SLC35F1: variants seen among roughly 807,000 people sequenced by gnomAD.
SLC35F1 encodes the protein chromosome 6 open reading frame 169.
SLC35F1 carries 14 observed loss-of-function variants against 48.7 expected under a neutral mutation model. The ratio of observed to expected loss-of-function variants is 0.29; its 90% CI spans 0.19 to 0.45. SLC35F1 has a LOEUF of 0.45. SLC35F1 is among the 20% of genes least tolerant of loss of function. SLC35F1 has a pLI of 1.00. For missense variants in SLC35F1, 404 were observed against 500.0 expected, an observed-to-expected ratio of 0.81 and a Z score of 1.83; for synonymous variants, 190 against 202.2, an observed-to-expected ratio of 0.94 and a Z score of 0.51.
At chr6:118,064,494 C>T (rs1293507333) in intron 1 of SLC35F1, among the ~76,000 whole-genome samples, 1 of 152,040 alleles carries the variant, frequency 6.6e-6, no homozygotes, top group Admixed American at 6.6e-5. Flanking sequence ...ATTGTTTGGT[C>T]AGAGCTGCTA....
intron 1 of SLC35F1, among the ~76,000 whole-genome samples, chr6:117,924,485 CGTATAT>C (rs1775998562): frequency 6.9e-6 from 1 of 144,098 alleles, no homozygotes; most frequent in African/African-American, 2.6e-5. Flanking sequence ...TATGTATATA[CGTATAT>C]ACATATGTAT....
chr6:118,203,871 C>G (rs1186330592), intron 2 of SLC35F1, among the ~76,000 whole-genome samples: 3 of 152,176 alleles, frequency 2.0e-5, no homozygotes, highest in Non-Finnish European at 4.4e-5. Context: ...CACTCCTACA[C>G]ACTTTGAACA....
chr6:118,258,105 G>A (rs1775668532), intron 3 of SLC35F1, among the ~76,000 whole-genome samples: 1 of 152,104 alleles, frequency 6.6e-6, no homozygotes, highest in African/African-American at 2.4e-5. Context: ...ATGGAAAGAA[G>A]TAACCTACTG....
At chr6:118,155,956 T>C (rs934602637) in intron 2 of SLC35F1, among the ~76,000 whole-genome samples, 2 of 152,228 alleles carry the variant, frequency 1.3e-5, no homozygotes, top group African/African-American at 4.8e-5. Flanking sequence ...TGACCAATAC[T>C]GGACTTCATC....
chr6:118,273,222 G>T (rs999795533), intron 4 of SLC35F1, among the ~76,000 whole-genome samples: 2 of 152,148 alleles, frequency 1.3e-5, no homozygotes, highest in African/African-American at 2.4e-5. Context: ...CTAGTTAACA[G>T]AAGAGGCCAT....
At position 118,316,100 on chromosome 6, in the gene SLC35F1, G is replaced by C. The variant is rs1365578821; in HGVS notation, c.*1848G>C. 6.6e-6 allele frequency: 1 copy of C among 152,186 alleles called. No homozygotes were observed. Among genetic ancestry groups the C allele is most frequent in the Non-Finnish European group, 1.5e-5 (1 of 68,046 alleles). The allele number at this position is 152,186 out of a possible 1,614,324, so 9.4% of individuals were successfully genotyped here. On this transcript the variant is annotated 3_prime_UTR_variant, in exon 8 of 8. Coordinates refer to ENST00000360388, the MANE Select transcript of SLC35F1 (RefSeq NM_001029858.4). The stretch of plus-strand genomic sequence containing the variant: ...GTAAAAGGACAGACTACAGTAGAAG[G>C]ACTGATCCCAGAGTGCCTGTACAAG...
chr6:118,141,745 T>G (rs115018003), intron 1 of SLC35F1, among the ~76,000 whole-genome samples: 2,604 of 152,194 alleles, frequency 0.017, 79 homozygotes, highest in African/African-American at 0.059. Flanking sequence ...TTTCAACATA[T>G]GAATGTTGGG....
rs901536857 is a variant in SLC35F1 at position 118,316,605 on chromosome 6, T to A, written c.*2353T>A. ...TAAAGTCTTATGAGAAGCAAGTGGA[T>A]GAAATTATCTCCAAGTCCACTCAGT... On this transcript the variant is annotated 3_prime_UTR_variant, in exon 8 of 8. Coordinates refer to ENST00000360388, the MANE Select transcript of SLC35F1 (RefSeq NM_001029858.4). 2.0e-5 allele frequency: 3 copies of A among 152,668 alleles called. No individual in the cohort carries two copies. The highest frequency in any genetic ancestry group is 4.8e-5 in the African/African-American group (2 of 41,460). The allele number at this position is 152,668 out of a possible 1,614,324, so 9.5% of individuals were successfully genotyped here. A position where few individuals can be genotyped will look rare whatever the true frequency, so the allele number is the denominator to read the frequency against.
At chr6:118,070,997 T>C (rs1772702571) in intron 1 of SLC35F1, among the ~76,000 whole-genome samples, 1 of 636 alleles carries the variant, frequency 1.6e-3, no homozygotes, top group Non-Finnish European at 3.2e-3. Flanking sequence ...TCTACGTGTG[T>C]GTATATATAT....
chr6:118,118,264 A>T (rs1295088791), intron 1 of SLC35F1, among the ~76,000 whole-genome samples: 9 of 152,096 alleles, frequency 5.9e-5, no homozygotes, highest in Non-Finnish European at 2.9e-5. Context: ...TAGCCATTCT[A>T]GTGGGGATAC....
At chr6:118,159,247 A>AAAAAAT (rs1774191640) in intron 2 of SLC35F1, among the ~76,000 whole-genome samples, 3 of 146,628 alleles carry the variant, frequency 2.0e-5, no homozygotes, top group African/African-American at 7.5e-5. Context: ...AAAAAAAAAA[A>AAAAAAT]GTGCTTACTG....
chr6:117,925,065 A>G (rs1776011136), intron 1 of SLC35F1, among the ~76,000 whole-genome samples: 1 of 152,224 alleles, frequency 6.6e-6, no homozygotes. Flanking sequence ...ATTGTGTTAC[A>G]TGGAAATAAG....
At chr6:118,277,594 G>A (rs1278965336) in intron 6 of SLC35F1, 48 bp downstream of exon 6, 1 of 1,551,482 alleles carries the variant, frequency 6.4e-7, no homozygotes, top group Non-Finnish European at 8.9e-7. Flanking sequence ...CCTGAGAAAT[G>A]TGTTTGAAGA....
chr6:118,228,683 G>A (rs1374939577), intron 2 of SLC35F1, among the ~76,000 whole-genome samples: 1 of 152,080 alleles, frequency 6.6e-6, no homozygotes, highest in Non-Finnish European at 1.5e-5. Context: ...GGCAGAATGG[G>A]ACCCTGTCTC....
intron 7 of SLC35F1, among the ~76,000 whole-genome samples, chr6:118,288,241 T>C (rs1200823643): frequency 6.6e-6 from 1 of 152,164 alleles, no homozygotes; most frequent in Non-Finnish European, 1.5e-5. Flanking sequence ...GTATCTGAGA[T>C]AGGTCTCAAT....
chr6:118,109,640 C>T (rs1407166525), intron 1 of SLC35F1, among the ~76,000 whole-genome samples: 1 of 146,682 alleles, frequency 6.8e-6, no homozygotes, highest in East Asian at 2.1e-4. Flanking sequence ...GGAGAATAAA[C>T]AAACATTTGC....
At chr6:117,919,759 G>C (rs1775873064) in intron 1 of SLC35F1, among the ~76,000 whole-genome samples, 1 of 152,196 alleles carries the variant, frequency 6.6e-6, no homozygotes, top group Non-Finnish European at 1.5e-5. Flanking sequence ...ATAAATATAT[G>C]TATTTATGGA....
At chr6:117,989,272 A>G (rs1402726752) in intron 1 of SLC35F1, among the ~76,000 whole-genome samples, 1 of 152,242 alleles carries the variant, frequency 6.6e-6, no homozygotes, top group African/African-American at 2.4e-5. Context: ...TTAGCTGAAC[A>G]CATTTTATTC....
At chr6:118,114,377 G>T (rs1012961252) in intron 1 of SLC35F1, among the ~76,000 whole-genome samples, 9 of 151,842 alleles carry the variant, frequency 5.9e-5, no homozygotes, top group Non-Finnish European at 5.9e-5. Flanking sequence ...CTTATATTTG[G>T]CATTGACTGT....
Sources: gnomAD v4.1 joint callset for allele counts (sites outside exome capture counted in the v4.1 genomes callset) on GRCh38, gnomAD v4.1.1 for gene constraint, MANE v1.5 for transcripts, NCBI Gene and HGNC (gene_info 2026-07-23, HGNC 2026-07-21) for gene names.